Variants in MYO5B observed in about 807,000 individuals in gnomAD.
MYO5B encodes the protein myosin VB.
A neutral mutation model predicts 229.3 loss-of-function variants in MYO5B; 143 were observed. The observed-to-expected ratio is 0.62, with a 90% CI of 0.54 to 0.72. The LOEUF is 0.72. Ranked by LOEUF, MYO5B falls within the 30% of genes least tolerant of loss-of-function variation. The pLI is 0.00. For synonymous variants in MYO5B, 918 were observed against 885.2 expected (o/e 1.04, Z -0.66); for missense variants, 2,321 against 2,331.0 (o/e 1.00, Z 0.09).
intron 17 of MYO5B, among the ~76,000 whole-genome samples, chr18:49,924,984 T>G (rs1476186138): frequency 6.6e-6 from 1 of 152,200 alleles, no homozygotes. Context: ...AATAAAATTC[T>G]AAAGCCCCAA....
At chr18:49,951,191 C>T (rs1447658103) in intron 14 of MYO5B, among the ~76,000 whole-genome samples, 1 of 152,166 alleles carries the variant, frequency 6.6e-6, no homozygotes, top group Non-Finnish European at 1.5e-5. Flanking sequence ...TGCCTGGTCT[C>T]CGGGAGACGT....
At chr18:50,134,741 C>T (rs573337495) in intron 1 of MYO5B, among the ~76,000 whole-genome samples, 3 of 152,110 alleles carry the variant, frequency 2.0e-5, no homozygotes, top group Admixed American at 2.0e-4. Context: ...GAAACGGTGC[C>T]CTGGGGATTG....
intron 10 of MYO5B, among the ~76,000 whole-genome samples, chr18:49,968,988 G>A (rs903153239): frequency 6.6e-6 from 1 of 152,206 alleles, no homozygotes; most frequent in Non-Finnish European, 1.5e-5. Flanking sequence ...ATTCGGGAAG[G>A]TGGAGCCTGG....
intron 14 of MYO5B, among the ~76,000 whole-genome samples, chr18:49,942,474 G>A (rs1334250622): frequency 6.7e-6 from 1 of 148,994 alleles, no homozygotes. Flanking sequence ...ATCTGACAAA[G>A]GGCTAATATC....
At chr18:50,177,528 C>T (rs2033014039) in intron 1 of MYO5B, among the ~76,000 whole-genome samples, 1 of 152,238 alleles carries the variant, frequency 6.6e-6, no homozygotes, top group African/African-American at 2.4e-5. Context: ...TATCCCCCAC[C>T]CATCCAATCA....
chr18:49,852,998 G>A (rs1428177698), intron 31 of MYO5B, among the ~76,000 whole-genome samples: 1 of 152,214 alleles, frequency 6.6e-6, no homozygotes, highest in Non-Finnish European at 1.5e-5. Context: ...GTGACTGTCT[G>A]CAAAGAGGCC....
At chr18:49,883,344 T>C (rs1291627523) in intron 22 of MYO5B, among the ~76,000 whole-genome samples, 2 of 150,846 alleles carry the variant, frequency 1.3e-5, no homozygotes, top group African/African-American at 2.5e-5. Context: ...TGTATTTGTA[T>C]ATATTTGCAA....
intron 1 of MYO5B, among the ~76,000 whole-genome samples, chr18:50,154,997 G>A (rs2032657407): frequency 6.6e-6 from 1 of 152,192 alleles, no homozygotes; most frequent in Non-Finnish European, 1.5e-5. Flanking sequence ...AAAAAGGCCT[G>A]CTTTAGAGCA....
intron 1 of MYO5B, among the ~76,000 whole-genome samples, chr18:50,109,580 A>G (rs1214164989): frequency 6.6e-6 from 1 of 151,886 alleles, no homozygotes; most frequent in Non-Finnish European, 1.5e-5. Flanking sequence ...CGCCGCCACC[A>G]TGCTTGGCTA....
chr18:50,119,441 T>C (rs1356652892), intron 1 of MYO5B, among the ~76,000 whole-genome samples: 4 of 152,236 alleles, frequency 2.6e-5, no homozygotes, highest in African/African-American at 7.2e-5. Context: ...GATTCAGAGA[T>C]TGCTGTCACT....
intron 5 of MYO5B, among the ~76,000 whole-genome samples, chr18:49,993,509 C>T (rs1009069193): frequency 1.3e-5 from 2 of 152,122 alleles, no homozygotes; most frequent in African/African-American, 2.4e-5. Flanking sequence ...GTTCCTGTTA[C>T]TGAGATGAGT....
intron 12 of MYO5B, among the ~76,000 whole-genome samples, chr18:49,959,483 G>C (rs1487449614): frequency 6.6e-6 from 1 of 152,206 alleles, no homozygotes; most frequent in Non-Finnish European, 1.5e-5. Flanking sequence ...CCTGACAGCA[G>C]GCTGGGCCAG....
At chr18:50,086,704 T>C (rs2031337765) in intron 1 of MYO5B, among the ~76,000 whole-genome samples, 1 of 152,214 alleles carries the variant, frequency 6.6e-6, no homozygotes, top group South Asian at 2.1e-4. Context: ...CCACTGACTA[T>C]GCCAGCAGTC....
chr18:49,828,583 TAACA>T (rs2023875498), intron 39 of MYO5B, among the ~76,000 whole-genome samples: 1 of 152,172 alleles, frequency 6.6e-6, no homozygotes, highest in African/African-American at 2.4e-5. Context: ...CAATTAGTCC[TAACA>T]AACACATATG....
intron 1 of MYO5B, among the ~76,000 whole-genome samples, chr18:50,117,684 C>A (rs866077031): frequency 6.6e-6 from 1 of 152,070 alleles, no homozygotes; most frequent in Non-Finnish European, 1.5e-5. Context: ...CAGCAATTCC[C>A]AGCACAGCAG....
intron 10 of MYO5B, among the ~76,000 whole-genome samples, chr18:49,967,756 T>C (rs575699276): frequency 2.0e-5 from 3 of 152,126 alleles, no homozygotes; most frequent in Admixed American, 6.5e-5. Flanking sequence ...CCAACCCTTC[T>C]GATCTCTTTA....
chr18:50,186,249 G>A (rs547553345), intron 1 of MYO5B, among the ~76,000 whole-genome samples: 54 of 152,322 alleles, frequency 3.5e-4, no homozygotes, highest in East Asian at 5.8e-4. Context: ...GTTGGACAAC[G>A]GAGGTCCAGA....
At chr18:50,006,341 T>C (rs2026100696) in intron 4 of MYO5B, among the ~76,000 whole-genome samples, 1 of 152,220 alleles carries the variant, frequency 6.6e-6, no homozygotes, top group Non-Finnish European at 1.5e-5. Flanking sequence ...TGCTTTTCAA[T>C]AAAGCCACCT....
chr18:50,025,519 A>AC (rs2026321098), intron 4 of MYO5B, among the ~76,000 whole-genome samples: 1 of 151,330 alleles, frequency 6.6e-6, no homozygotes, highest in Non-Finnish European at 1.5e-5. Context: ...TCTGCTGAAA[A>AC]CCCTGCTGTC....
Sources: gnomAD v4.1 joint callset for allele counts (sites outside exome capture counted in the v4.1 genomes callset) on GRCh38, gnomAD v4.1.1 for gene constraint, MANE v1.5 for transcripts, NCBI Gene and HGNC (gene_info 2026-07-23, HGNC 2026-07-21) for gene names.